The following CA12 variants were observed in gnomAD, a reference collection of about 807,000 sequenced individuals.
CA12 encodes the protein carbonate dehydratase XII.
Under a neutral mutation model 46.8 loss-of-function variants are expected in CA12, and 36 were observed. That is an observed-to-expected ratio of 0.77 (90% CI 0.59 to 1.02). The LOEUF (loss-of-function observed/expected upper bound fraction) is 1.02, where lower values mean the gene tolerates loss of function less well. Ranked by LOEUF, CA12 falls within the 50% of genes least tolerant of loss-of-function variation. CA12 has a pLI of 0.00. For missense variants in CA12, 436 were observed against 451.4 expected (o/e 0.97, Z 0.31); for synonymous variants, 202 against 187.0 (o/e 1.08, Z -0.65).
At position 63,323,275 on chromosome 15, in the gene CA12, CTTTA is replaced by C. The variant is rs1213722005; in HGVS notation, c.*3006_*3009del. On this transcript the variant is annotated 3_prime_UTR_variant, in exon 11 of 11. Transcript: ENST00000178638. This position sits in a 1 kb window ranked among gnomAD's most constrained non-coding sequence, Gnocchi z 5.1. ...GCTCCGATCCCACCTCCTCCAGGGT[CTTTA>C]TTTAATTCCTCTAGGCTTCCCAGCA... is the stretch of plus-strand genomic sequence containing the variant. 6.6e-6 allele frequency: 1 copy of C among 152,192 alleles called. No homozygotes were observed. Among genetic ancestry groups the C allele is most frequent in the Non-Finnish European group, 1.5e-5 (1 of 68,064 alleles). The allele number at this position is 152,192 out of a possible 1,614,324, so 9.4% of individuals were successfully genotyped here. A position where few individuals can be genotyped will look rare whatever the true frequency, so the allele number is the denominator to read the frequency against.
chr15:63,349,289 G>A (rs1382014374), intron 2 of CA12, among the ~76,000 whole-genome samples: 1 of 152,210 alleles, frequency 6.6e-6, no homozygotes, highest in African/African-American at 2.4e-5. Context: ...AAATTTGAAT[G>A]AGTCAGAAAG....
rs1296767914 is a variant in CA12, at chr15:63,323,153, A to ACCT, written c.*3131_*3132insAGG. ...GTTTAATACTCTCAGGAGTAAAGAGACATAGGACCTGTTCCCTGTATCATG... is the reference window on the plus strand; with the variant it reads ...GTTTAATACTCTCAGGAGTAAAGAGACCTCATAGGACCTGTTCCCTGTATCATG... On this transcript the variant is annotated 3_prime_UTR_variant, in exon 11 of 11. Coordinates refer to ENST00000178638, the MANE Select transcript of CA12 (RefSeq NM_001218.5). The surrounding 1 kb of genome is among the most constrained non-coding windows in gnomAD (Gnocchi z 5.1). The ACCT allele has an allele frequency of 1.2e-4, 19 of 152,338 alleles. No homozygotes were observed. In the East Asian group the frequency reaches 3.7e-3, roughly 29 times the overall value. The allele number at this position is 152,338 out of a possible 1,614,324, so 9.4% of individuals were successfully genotyped here.
At position 63,374,261 on chromosome 15, in the gene CA12, C is replaced by T. The variant is rs919608518; in HGVS notation, c.106+1397G>A. Among the ~76,000 whole-genome samples the T allele has an allele frequency of 6.6e-6, 1 of 152,120 alleles. No homozygotes were observed. The highest frequency in any genetic ancestry group is 1.5e-5 in the Non-Finnish European group (1 of 68,034). ...TGCTTTCCTCGAACACCACCTTGCT[C>T]TTTCTTGCTTCTGCTCAACATCACC... On this transcript the variant is annotated intron_variant, in intron 2 of 10. Coordinates refer to ENST00000178638, the MANE Select transcript of CA12 (RefSeq NM_001218.5). This position sits in a 1 kb window ranked among gnomAD's most constrained non-coding sequence, Gnocchi z 4.4.
At chr15:63,333,426 T>C (rs1008533385) in intron 8 of CA12, among the ~76,000 whole-genome samples, 1 of 152,188 alleles carries the variant, frequency 6.6e-6, no homozygotes, top group South Asian at 2.1e-4. Flanking sequence ...TCGGGAAACA[T>C]GTGGTGTGTG....
intron 8 of CA12, among the ~76,000 whole-genome samples, chr15:63,337,456 T>A (rs1280062579): frequency 6.6e-6 from 1 of 152,180 alleles, no homozygotes; most frequent in Non-Finnish European, 1.5e-5. Context: ...CTTTTGTTTT[T>A]GTTTTTTGGT....
Position 63,345,527 on chromosome 15 carries a change from C to T in CA12, c.379G>A (p.Asp127Asn), listed in dbSNP as rs1226709384. 1.2e-5 allele frequency: 19 copies of T among 1,612,690 alleles called. No individual in the cohort carries two copies. Among genetic ancestry groups the T allele is most frequent in the Non-Finnish European group, 1.6e-5 (19 of 1,180,028 alleles). Residue 127 changes from aspartate to asparagine, a missense_variant, in exon 4 of 11, where the codon GAC (aspartate) becomes AAC (asparagine). Transcript: ENST00000178638. This position sits in a 1 kb window ranked among gnomAD's most constrained non-coding sequence, Gnocchi z 4.3. Reference sequence around the variant, plus strand: ...ACGGTGTGCTCAGAGCCGTGCGGGTCATTCGGGTTCCCCCAGTGCAGGTGC... The same window carrying T: ...ACGGTGTGCTCAGAGCCGTGCGGGTTATTCGGGTTCCCCCAGTGCAGGTGC... ...QLHLHWGNPN[D>N]PHGSEHTVSG...
intron 2 of CA12, among the ~76,000 whole-genome samples, chr15:63,371,834 A>AG (rs5813207): frequency 0.28 from 6,255 of 22,498 alleles, 159 homozygotes; most frequent in Non-Finnish European, 0.49. Flanking sequence ...TGAACACACT[A>AG]GGGTTTTTTT....
chr15:63,381,693 C>G lies in CA12; in HGVS notation c.28G>C (p.Ala10Pro). MPRRSLHAA[A>P]VLLLVILKEQ... ...TTTAAGATCACCAGCAGGAGCACGG[C>G]CGCCGCGTGCAGGCTGCGCCGGGGC... is the stretch of plus-strand genomic sequence containing the variant. Residue 10 changes from alanine (A) to proline (P), a missense_variant, in exon 1 of 11, where the codon GCC becomes CCC. Transcript: ENST00000178638. The G allele has an allele frequency of 6.2e-7, 1 of 1,608,810 alleles. No homozygotes were observed. Among genetic ancestry groups the G allele is most frequent in the South Asian group, 1.1e-5 (1 of 90,196 alleles).
chr15:63,348,830 A>G lies in CA12; in HGVS notation c.107-2121T>C, dbSNP rs1223827390. Among the ~76,000 whole-genome samples, 4 of 152,214 alleles carry G rather than the reference A, an allele frequency of 2.6e-5. No homozygotes were observed. Among genetic ancestry groups the G allele is most frequent in the African/African-American group, 9.6e-5 (4 of 41,466 alleles). On this transcript the variant is annotated intron_variant, in intron 2 of 10. Coordinates refer to ENST00000178638, the MANE Select transcript of CA12 (RefSeq NM_001218.5). The surrounding 1 kb of genome is among the most constrained non-coding windows in gnomAD (Gnocchi z 4.6). The stretch of plus-strand genomic sequence containing the variant: ...ATTATAAGTAGGGTCACGTGCCCCC[A>G]TGGGCATTTAGGAAACATTTTCCCA...
At chr15:63,358,368 T>C (rs538138688) in intron 2 of CA12, among the ~76,000 whole-genome samples, 1 of 152,308 alleles carries the variant, frequency 6.6e-6, no homozygotes, top group South Asian at 2.1e-4. Context: ...CATAAAGCCA[T>C]ATTCCACACA....
chr15:63,364,887 T>C (rs1261741722), intron 2 of CA12, among the ~76,000 whole-genome samples: 1 of 152,268 alleles, frequency 6.6e-6, no homozygotes, highest in Non-Finnish European at 1.5e-5. Context: ...TTCAGCCCTG[T>C]GCTGCTGACA....
At chr15:63,360,755 C>A (rs2039351828) in intron 2 of CA12, among the ~76,000 whole-genome samples, 1 of 152,194 alleles carries the variant, frequency 6.6e-6, no homozygotes, top group African/African-American at 2.4e-5. Context: ...ACGCACATGC[C>A]CCCGAATTGA....
rs766174665 is a variant in CA12 at position 63,342,023 on chromosome 15, A to C, written c.504T>G (p.Ala168=). The C allele has an allele frequency of 6.2e-7, 1 of 1,613,670 alleles. No homozygotes were observed. The highest frequency in any genetic ancestry group is 8.5e-7 in the Non-Finnish European group (1 of 1,179,544). The change falls in exon 5 of 11, where the codon GCT becomes GCG. Residue 168 remains alanine, a synonymous_variant. Coordinates refer to ENST00000178638, the MANE Select transcript of CA12 (RefSeq NM_001218.5). ...TTACCTCAATGAGAACAGCCAGGAC[A>C]GCGAGGCCTTCTGACTTGTTGCTGG... ...STASNKSEGL[A]VLAVLIEMGS...
intron 8 of CA12, 152 bp downstream of exon 8, chr15:63,338,667 C>T (rs2039034138): frequency 2.0e-6 from 2 of 982,084 alleles, no homozygotes; most frequent in East Asian, 2.5e-5. Flanking sequence ...AGCCCCACAC[C>T]TAGTCTCACA....
intron 7 of CA12, 52 bp from the exon 8 acceptor site, chr15:63,338,997 T>A: frequency 6.2e-7 from 1 of 1,611,218 alleles, no homozygotes. Flanking sequence ...CCTCACCTGA[T>A]CCCCTGGGAA....
chr15:63,358,871 C>T (rs1047774566), intron 2 of CA12, among the ~76,000 whole-genome samples: 5 of 152,168 alleles, frequency 3.3e-5, no homozygotes, highest in African/African-American at 1.2e-4. Context: ...CCACTGAGTC[C>T]ACACAGACTC....
rs1176875245 is a variant in CA12, at chr15:63,372,363, A to C, written c.106+3295T>G. Reference sequence around the variant, plus strand: ...TCAGCACCCTAGGAGGGGCTCAAAGAGGTGGCGCTGGCCCCATCTTGGCAG... The same window carrying C: ...TCAGCACCCTAGGAGGGGCTCAAAGCGGTGGCGCTGGCCCCATCTTGGCAG... On this transcript the variant is annotated intron_variant, in intron 2 of 10. Transcript: ENST00000178638. The surrounding 1 kb of genome is among the most constrained non-coding windows in gnomAD (Gnocchi z 4.5). Among the ~76,000 whole-genome samples the C allele has an allele frequency of 6.6e-6, 1 of 152,128 alleles. No individual in the cohort carries two copies. The highest frequency in any genetic ancestry group is 1.5e-5 in the Non-Finnish European group (1 of 68,010).
At chr15:63,336,488 A>T (rs1284559784) in intron 8 of CA12, among the ~76,000 whole-genome samples, 1 of 151,174 alleles carries the variant, frequency 6.6e-6, no homozygotes, top group Non-Finnish European at 1.5e-5. Context: ...GTGTCCACTT[A>T]ACCATCACAA....
chr15:63,322,107 A>C lies in CA12; in HGVS notation c.*4178T>G, dbSNP rs1439272279. On this transcript the variant is annotated 3_prime_UTR_variant, in exon 11 of 11. Transcript: ENST00000178638. The surrounding 1 kb of genome is among the most constrained non-coding windows in gnomAD (Gnocchi z 4.1). ...CGCTACTTTATTTTAATAAGTTTAC[A>C]TCTAAAAGCCGATCATTGATTCCAT... is the stretch of plus-strand genomic sequence containing the variant. 1 of 152,272 alleles carries C rather than the reference A, an allele frequency of 6.6e-6. No homozygotes were observed. Among genetic ancestry groups the C allele is most frequent in the Non-Finnish European group, 1.5e-5 (1 of 68,050 alleles). 9.4% of individuals were successfully genotyped at this position (152,272 alleles called of 1,614,324 possible).
Sources: gnomAD v4.1 joint callset for allele counts (sites outside exome capture counted in the v4.1 genomes callset) on GRCh38, gnomAD v4.1.1 for gene constraint, Gnocchi (gnomAD v3.1) non-coding constraint, MANE v1.5 for transcripts, NCBI Gene and HGNC (gene_info 2026-07-23, HGNC 2026-07-21) for gene names.